Variants in LRP1 observed in about 807,000 individuals in gnomAD.
The protein encoded by LRP1 is LDL receptor related protein 1.
A neutral mutation model predicts 541.5 loss-of-function variants in LRP1; 51 were observed. That is an observed-to-expected ratio of 0.09 (90% CI 0.08 to 0.12). The LOEUF (loss-of-function observed/expected upper bound fraction) is 0.12, where lower values mean the gene tolerates loss of function less well. Ranked by LOEUF, LRP1 falls within the 10% of genes least tolerant of loss-of-function variation. LRP1 has a pLI of 1.00. For synonymous variants in LRP1, 2,219 were observed against 2,470.8 expected (o/e 0.90, Z 3.02); for missense variants, 3,878 against 6,376.2 (o/e 0.61, Z 13.34).
chr12:57,165,959 C>G lies in LRP1; in HGVS notation c.2671+14C>G. On this transcript the variant is annotated intron_variant, in intron 16 of 88. Coordinates refer to ENST00000243077, the MANE Select transcript of LRP1 (RefSeq NM_002332.3). This position sits in a 1 kb window ranked among gnomAD's most constrained non-coding sequence, Gnocchi z 4.5. Reference sequence around the variant, plus strand: ...CAGCCCTCTGCCGTGAGTCACACGCCCTGCCCCACCCTGTTGGATGGCAGG... The same window carrying G: ...CAGCCCTCTGCCGTGAGTCACACGCGCTGCCCCACCCTGTTGGATGGCAGG... 1 of 1,613,722 alleles carries G rather than the reference C, an allele frequency of 6.2e-7. No homozygotes were observed. Among genetic ancestry groups the G allele is most frequent in the Non-Finnish European group, 8.5e-7 (1 of 1,179,672 alleles).
chr12:57,134,636 G>A (rs2035115763), intron 1 of LRP1, among the ~76,000 whole-genome samples: 1 of 151,286 alleles, frequency 6.6e-6, no homozygotes, highest in African/African-American at 2.4e-5. Flanking sequence ...GCCCATCTCC[G>A]CCTCCACCTC....
In LRP1 at chr12:57,184,719, G is replaced by A. The variant is rs2036234640; in HGVS notation, c.6187-120G>A. ...GCAGGAGTGTATGCAGGAGGCAGGA[G>A]TGAGTTAGGGGAGGCTGAACTGAGG... On this transcript the variant is annotated intron_variant, in intron 38 of 88. Transcript: ENST00000243077. This position sits in a 1 kb window ranked among gnomAD's most constrained non-coding sequence, Gnocchi z 7.8. 5.3e-6 allele frequency: 6 copies of A among 1,136,168 alleles called. No individual in the cohort carries two copies. The highest frequency in any genetic ancestry group is 6.2e-6 in the Non-Finnish European group (5 of 802,432). 70.4% of individuals were successfully genotyped at this position (1,136,168 alleles called of 1,614,324 possible).
rs2036061418 is a variant in LRP1, at chr12:57,177,045, G to C, written c.3996G>C (p.Leu1332=). ...TCACTGCCCTCTCTTCTCCAGCCCT[G>C]ACTAGTTTCGAGGTGGTGATTCAGT... ...YRGKLLDNGA[L]TSFEVVIQYG... is the part of the protein sequence containing the mutation. The change falls in exon 25 of 89, where the codon CTG becomes CTC. Residue 1332 remains leucine, a synonymous_variant. Transcript: ENST00000243077. The surrounding 1 kb of genome is among the most constrained non-coding windows in gnomAD (Gnocchi z 6.8). The C allele has an allele frequency of 1.2e-6, 2 of 1,613,814 alleles. No homozygotes were observed. Among genetic ancestry groups the C allele is most frequent in the East Asian group, 2.2e-5 (1 of 44,882 alleles).
In LRP1 at chr12:57,154,505, A is replaced by G; in HGVS notation, c.1031A>G (p.Gln344Arg). The G allele has an allele frequency of 6.2e-7, 1 of 1,614,242 alleles. No individual in the cohort carries two copies. The highest frequency in any genetic ancestry group is 8.5e-7 in the Non-Finnish European group (1 of 1,180,026). ...AAGGTGTTTTTCACTGACTATGGGCAGATCCCAAAGGTGGAACGCTGTGAC... is the reference window on the plus strand; with the variant it reads ...AAGGTGTTTTTCACTGACTATGGGCGGATCCCAAAGGTGGAACGCTGTGAC... ...MGKVFFTDYG[Q>R]IPKVERCDMD... Residue 344 changes from glutamine to arginine, a missense_variant, in exon 8 of 89, where the codon CAG (glutamine) becomes CGG (arginine). Around this residue, in one of 13 missense-constraint regions of LRP1, gnomAD observed 496 missense variants for 861.0 expected, o/e 0.58. Transcript: ENST00000243077. This position sits in a 1 kb window ranked among gnomAD's most constrained non-coding sequence, Gnocchi z 4.6.
rs150585981 is a variant in LRP1 at position 57,151,245 on chromosome 12, T to C, written c.842-2963T>C. ...AAGCTGGAGTTGTAGTGAGTGCAGA[T>C]GCTGAGCAGTGGGATGGGGTGCCAG... is the stretch of plus-strand genomic sequence containing the variant. On this transcript the variant is annotated intron_variant, in intron 6 of 88. Transcript: ENST00000243077. Among the ~76,000 whole-genome samples the C allele has an allele frequency of 9.4e-3, 1,437 of 152,236 alleles. 15 individuals carry two copies. Among genetic ancestry groups the C allele is most frequent in the African/African-American group, 0.033 (1,381 of 41,528 alleles).
Position 57,208,944 on chromosome 12 carries a change from C to T in LRP1, c.12145+127C>T, listed in dbSNP as rs886652073. 3.3e-5 allele frequency: 35 copies of T among 1,066,178 alleles called. 1 individual carries two copies. Among genetic ancestry groups the T allele is most frequent in the Admixed American group, 3.7e-5 (2 of 54,430 alleles). 66.0% of individuals were successfully genotyped at this position (1,066,178 alleles called of 1,614,324 possible). A position where few individuals can be genotyped will look rare whatever the true frequency, so the allele number is the denominator to read the frequency against. On this transcript the variant is annotated intron_variant, in intron 78 of 88. Transcript: ENST00000243077. ...TTGGACTGGGGCAGGGCAGATTGGC[C>T]GTGGAGGCTTTTCCCGAAAGAGGTG...
intron 63 of LRP1, 46 bp from the exon 64 acceptor site, chr12:57,200,653 C>T (rs754181255): frequency 3.5e-5 from 55 of 1,569,076 alleles, no homozygotes; most frequent in South Asian, 4.4e-5. Flanking sequence ...TGGACCTGGC[C>T]GTGTCCACCC....
At position 57,158,964 on chromosome 12, in the gene LRP1, G is replaced by A. The variant is rs947292144; in HGVS notation, c.1798+326G>A. Among the ~76,000 whole-genome samples the A allele has an allele frequency of 6.6e-6, 1 of 152,176 alleles. No homozygotes were observed. Among genetic ancestry groups the A allele is most frequent in the African/African-American group, 2.4e-5 (1 of 41,438 alleles). On this transcript the variant is annotated intron_variant, in intron 11 of 88. Transcript: ENST00000243077. This position sits in a 1 kb window ranked among gnomAD's most constrained non-coding sequence, Gnocchi z 5.3. ...AACTGAGGTCTTGAATTGGAGACAGGCCTGCCAGATCAAAACAGGGCACAC... is the reference window on the plus strand; with the variant it reads ...AACTGAGGTCTTGAATTGGAGACAGACCTGCCAGATCAAAACAGGGCACAC...
rs147237780 is a variant in LRP1 at position 57,192,938 on chromosome 12, G to A, written c.7523G>A (p.Gly2508Asp). The A allele has an allele frequency of 7.0e-5, 113 of 1,613,740 alleles. No individual in the cohort carries two copies. The highest frequency in any genetic ancestry group is 9.2e-5 in the Non-Finnish European group (108 of 1,179,998). Residue 2508 changes from glycine (G) to aspartate (D), a missense_variant, in exon 45 of 89, where the codon GGC (glycine) becomes GAC (aspartate). Physicochemically the swap from Gly to Asp is moderately conservative, Grantham distance 94. Coordinates refer to ENST00000243077, the MANE Select transcript of LRP1 (RefSeq NM_002332.3). ...QGHVNCSCRG[G>D]RILQDDLTCR... ...CATGTCAACTGCTCATGCCGAGGGG[G>A]CCGAATCCTCCAGGATGACCTCACC...
intron 12 of LRP1, among the ~76,000 whole-genome samples, chr12:57,160,636 A>G (rs1014557173): frequency 6.6e-6 from 1 of 151,942 alleles, no homozygotes; most frequent in Non-Finnish European, 1.5e-5. Flanking sequence ...TTCTTGTGGG[A>G]TGGGAGCTCC....
In LRP1 at chr12:57,183,632, G is replaced by T. The variant is rs2036210432; in HGVS notation, c.5794+122G>T. The T allele has an allele frequency of 6.7e-7, 1 of 1,483,022 alleles. No individual in the cohort carries two copies. The highest frequency in any genetic ancestry group is 1.4e-5 in the African/African-American group (1 of 72,622). The allele number at this position is 1,483,022 out of a possible 1,614,324, so 91.9% of individuals were successfully genotyped here. A position where few individuals can be genotyped will look rare whatever the true frequency, so the allele number is the denominator to read the frequency against. On this transcript the variant is annotated intron_variant, in intron 35 of 88. Coordinates refer to ENST00000243077, the MANE Select transcript of LRP1 (RefSeq NM_002332.3). The surrounding 1 kb of genome is among the most constrained non-coding windows in gnomAD (Gnocchi z 6.1). ...GGCCTGAGGTGGGGCACTTGCTACA[G>T]CTGCCACCCTGACTCCACCTCCCCT...
At position 57,203,447 on chromosome 12, in the gene LRP1, TC is replaced by T; in HGVS notation, c.10882del (p.Leu3628CysfsTer155). Reference sequence around the variant, plus strand: ...TTCCAGTGCAAGAGCGGCCACTGCATCCCCCTGCGCTGGCGCTGTGACGCAG... The same window carrying T: ...TTCCAGTGCAAGAGCGGCCACTGCATCCCCTGCGCTGGCGCTGTGACGCAG... ...DQFQCKSGHC[I>X]PLRWRCDADA... On this transcript the variant is annotated frameshift_variant, in exon 70 of 89. Coordinates refer to ENST00000243077, the MANE Select transcript of LRP1 (RefSeq NM_002332.3). LOFTEE classifies it high-confidence loss of function. 6.2e-7 allele frequency: 1 copy of T among 1,604,434 alleles called. No individual in the cohort carries two copies. The highest frequency in any genetic ancestry group is 8.5e-7 in the Non-Finnish European group (1 of 1,175,612).
rs768831511 is a variant in LRP1, at chr12:57,145,433, C to G, written c.784C>G (p.Pro262Ala). Reference sequence around the variant, plus strand: ...GACGCAGCTCAAGTGTGCCCGCATGCCTGGCCTAAAGGGCTTCGTGGATGA... The same window carrying G: ...GACGCAGCTCAAGTGTGCCCGCATGGCTGGCCTAAAGGGCTTCGTGGATGA... Reference protein sequence around the residue: ...AQTQLKCARMPGLKGFVDEHT... With the variant: ...AQTQLKCARMAGLKGFVDEHT... The change falls in exon 6 of 89, where the codon CCT becomes GCT. Residue 262 changes from proline (P) to alanine (A), a missense_variant. By Grantham distance (27) the Pro-to-Ala change is conservative. Transcript: ENST00000243077. 1.2e-6 allele frequency: 2 copies of G among 1,614,080 alleles called. No individual in the cohort carries two copies. Among genetic ancestry groups the G allele is most frequent in the Non-Finnish European group, 1.7e-6 (2 of 1,180,028 alleles).
chr12:57,200,677 T>C, intron 63 of LRP1, 22 bp from the exon 64 acceptor site: 1 of 1,606,344 alleles, frequency 6.2e-7, no homozygotes, highest in Non-Finnish European at 8.5e-7. Flanking sequence ...CCGCTCTGAC[T>C]CTGAGCCTCC....
chr12:57,191,528 G>T lies in LRP1; in HGVS notation c.7429+16G>T. On this transcript the variant is annotated intron_variant, in intron 44 of 88. Transcript: ENST00000243077. ...ACCAACAGCTGTGAGTGGGGCTGCC[G>T]CCAGCTGCCTCACCCTCCTGCCTGT... The T allele has an allele frequency of 1.3e-6, 2 of 1,568,482 alleles. No homozygotes were observed.
At chr12:57,194,884 G>A (rs894861265) in intron 50 of LRP1, 101 bp from the exon 51 acceptor site, 2 of 1,155,846 alleles carry the variant, frequency 1.7e-6, no homozygotes, top group Admixed American at 1.7e-5. Context: ...CCCCACAGAG[G>A]GGTGCTGTGG....
At position 57,180,345 on chromosome 12, in the gene LRP1, T is replaced by A; in HGVS notation, c.5252T>A (p.Phe1751Tyr). 6.2e-7 allele frequency: 1 copy of A among 1,613,998 alleles called. No homozygotes were observed. The change falls in exon 32 of 89, where the codon TTC (phenylalanine) becomes TAC (tyrosine). Residue 1751 changes from phenylalanine to tyrosine, a missense_variant. Transcript: ENST00000243077. ...CCTTTTCCAGGCCTGGCTATTGACT[T>A]CCCTGAAAGCAAACTCTACTGGATC... ...QKGPVGLAID[F>Y]PESKLYWISS...
At chr12:57,141,030 G>A (rs766591190) in intron 2 of LRP1, among the ~76,000 whole-genome samples, 3 of 152,074 alleles carry the variant, frequency 2.0e-5, no homozygotes, top group African/African-American at 2.4e-5. Context: ...CATCACTCCC[G>A]GCATCATCAA....
chr12:57,129,049 T>TC lies in LRP1; in HGVS notation c.67+23dup. 1 of 1,550,970 alleles carries TC rather than the reference T, an allele frequency of 6.4e-7. No individual in the cohort carries two copies. The highest frequency in any genetic ancestry group is 1.2e-5 in the South Asian group (1 of 84,010). The stretch of plus-strand genomic sequence containing the variant: ...TATCGACGGTGAGTGAGATTCCGCG[T>TC]CCCCCTTGGACCCCTGGGGGCACCC... On this transcript the variant is annotated intron_variant, in intron 1 of 88. Coordinates refer to ENST00000243077, the MANE Select transcript of LRP1 (RefSeq NM_002332.3).
Sources: gnomAD v4.1 joint callset for allele counts (sites outside exome capture counted in the v4.1 genomes callset) on GRCh38, gnomAD v4.1.1 for gene constraint, gnomAD v4.1.1 regional missense constraint, Gnocchi (gnomAD v3.1) non-coding constraint, MANE v1.5 for transcripts, NCBI Gene and HGNC (gene_info 2026-07-23, HGNC 2026-07-21) for gene names.